The following PAWR variants were observed in gnomAD, a reference collection of about 807,000 sequenced individuals.
PAWR encodes the protein PRKC apoptosis WT1 regulator protein.
PAWR carries 23 observed loss-of-function variants against 32.0 expected under a neutral mutation model. That is an observed-to-expected ratio of 0.72 (90% CI 0.52 to 1.02). The LOEUF (loss-of-function observed/expected upper bound fraction) is 1.02. Ranked by LOEUF, PAWR falls within the 50% of genes least tolerant of loss-of-function variation. The pLI is 0.00. For missense variants in PAWR, 457 were observed against 437.7 expected (o/e 1.04, Z -0.39); for synonymous variants, 226 against 187.1 (o/e 1.21, Z -1.70).
intron 2 of PAWR, among the ~76,000 whole-genome samples, chr12:79,648,011 C>G (rs919546226): frequency 2.0e-5 from 3 of 152,158 alleles, no homozygotes; most frequent in Non-Finnish European, 4.4e-5. Context: ...AAGGTTCACA[C>G]TCCTTTGAGA....
intron 2 of PAWR, among the ~76,000 whole-genome samples, chr12:79,636,983 G>T (rs1011385383): frequency 6.6e-6 from 1 of 151,978 alleles, no homozygotes; most frequent in African/African-American, 2.4e-5. Context: ...TTTAAATTAC[G>T]AATCAGAATG....
At chr12:79,645,517 CA>C (rs1876533102) in intron 2 of PAWR, among the ~76,000 whole-genome samples, 1 of 152,146 alleles carries the variant, frequency 6.6e-6, no homozygotes, top group Admixed American at 6.5e-5. Context: ...ACTCTATTTA[CA>C]AATATCTGAG....
At chr12:79,613,934 TATATATATATATATATATATATA>T (rs1874559232) in intron 3 of PAWR, among the ~76,000 whole-genome samples, 5 of 3,976 alleles carry the variant, frequency 1.3e-3, no homozygotes, top group East Asian at 0.016. Flanking sequence ...ACCACCATTA[TATATATATATATATATATATATA>T]TATATATATA....
chr12:79,626,203 A>AT (rs1875307664), intron 2 of PAWR, among the ~76,000 whole-genome samples: 2 of 150,752 alleles, frequency 1.3e-5, no homozygotes, highest in African/African-American at 4.9e-5. Flanking sequence ...TATATATATA[A>AT]AATGAAGAAT....
rs1873957778 is a variant in PAWR at position 79,601,425 on chromosome 12, G to C, written c.684-4767C>G. Among the ~76,000 whole-genome samples, 2 of 151,974 alleles carry C rather than the reference G, an allele frequency of 1.3e-5. 1 individual carries two copies. The highest frequency in any genetic ancestry group is 4.2e-4 in the South Asian group (2 of 4,814). On this transcript the variant is annotated intron_variant, in intron 4 of 6. Coordinates refer to ENST00000328827, the MANE Select transcript of PAWR (RefSeq NM_002583.4). Reference sequence around the variant, plus strand: ...TTGCTATGTTGCCCAGGCCGGTCCTGAAGTCCTGGCCTCAAGCGATCTTCC... The same window carrying C: ...TTGCTATGTTGCCCAGGCCGGTCCTCAAGTCCTGGCCTCAAGCGATCTTCC...
intron 4 of PAWR, among the ~76,000 whole-genome samples, chr12:79,605,391 G>C (rs539376722): frequency 1.3e-5 from 2 of 152,146 alleles, no homozygotes; most frequent in Admixed American, 6.5e-5. Context: ...ATATACAGTA[G>C]AAACAGCTAA....
intron 2 of PAWR, among the ~76,000 whole-genome samples, chr12:79,624,519 C>T (rs946610274): frequency 3.9e-5 from 6 of 152,112 alleles, no homozygotes; most frequent in African/African-American, 7.2e-5. Flanking sequence ...ACATAGTATC[C>T]CTGTGGATAC....
In PAWR at chr12:79,685,807, T is replaced by C. The variant is rs1046592307; in HGVS notation, c.516+3922A>G. ...TAAGATAATCTTTAATAAAAAGTTA[T>C]GTAAAAATCTAGGGAAATATGCTGA... On this transcript the variant is annotated intron_variant, in intron 2 of 6. Transcript: ENST00000328827. 2.6e-5 allele frequency among the ~76,000 whole-genome samples: 4 copies of C among 152,204 alleles called. No homozygotes were observed. The East Asian group carries it at 7.7e-4, about 29-fold the overall frequency.
intron 2 of PAWR, among the ~76,000 whole-genome samples, chr12:79,623,274 T>C (rs1022685115): frequency 6.6e-6 from 1 of 152,164 alleles, no homozygotes; most frequent in Non-Finnish European, 1.5e-5. Context: ...TTTCAAAAAC[T>C]TTCTCAAATC....
rs1878875288 is a variant in PAWR at position 79,689,705 on chromosome 12, G to C, written c.516+24C>G. On this transcript the variant is annotated intron_variant, in intron 2 of 6. Coordinates refer to ENST00000328827, the MANE Select transcript of PAWR (RefSeq NM_002583.4). The stretch of plus-strand genomic sequence containing the variant: ...GCAGCTGCCCGCCCCGGCCCGGTCC[G>C]GCTGCGGCCCCCGCCCGGCTCACCT... 3 of 1,533,728 alleles carry C rather than the reference G, an allele frequency of 2.0e-6. No individual in the cohort carries two copies. The South Asian group carries it at 3.6e-5, about 18-fold the overall frequency.
chr12:79,632,342 TA>T (rs1875723000), intron 2 of PAWR, among the ~76,000 whole-genome samples: 10 of 60,746 alleles, frequency 1.6e-4, no homozygotes, highest in South Asian at 5.3e-4. Context: ...TATATATATA[TA>T]TATATATATA....
intron 3 of PAWR, 119 bp downstream of exon 3, chr12:79,620,957 G>A: frequency 1.4e-6 from 1 of 711,712 alleles, no homozygotes; most frequent in Non-Finnish European, 2.3e-6. Flanking sequence ...TGGTAAGGAA[G>A]GCATAAGTAG....
chr12:79,604,729 TACAA>T, intron 4 of PAWR: 1 of 1,279,794 alleles, frequency 7.8e-7, no homozygotes, highest in Non-Finnish European at 1.0e-6. Context: ...TTCCTTTAAA[TACAA>T]ACATACACAT....
At chr12:79,639,881 T>TTCCATTCCATTCCATTCCATTCC (rs1876215099) in intron 2 of PAWR, among the ~76,000 whole-genome samples, 13 of 112,500 alleles carry the variant, frequency 1.2e-4, no homozygotes, top group East Asian at 6.1e-4. Flanking sequence ...TTCCTATTCC[T>TTCCATTCCATTCCATTCCATTCC]ATTCCATTCC....
At chr12:79,683,064 C>G (rs1183602627) in intron 2 of PAWR, among the ~76,000 whole-genome samples, 3 of 152,144 alleles carry the variant, frequency 2.0e-5, no homozygotes, top group Admixed American at 1.3e-4. Context: ...TTTCTGTAGT[C>G]TAGACTTGTC....
intron 5 of PAWR, among the ~76,000 whole-genome samples, chr12:79,595,838 G>A (rs1873730247): frequency 6.6e-6 from 1 of 152,124 alleles, no homozygotes; most frequent in South Asian, 2.1e-4. Context: ...GGCAACAAGA[G>A]CGAAACTCTG....
intron 2 of PAWR, chr12:79,668,277 T>G (rs972430565): frequency 2.0e-5 from 3 of 152,258 alleles, no homozygotes; most frequent in Non-Finnish European, 4.4e-5. Flanking sequence ...TCATTTACCC[T>G]TACGCCTAAG....
chr12:79,670,230 G>A (rs1051040687), intron 2 of PAWR, among the ~76,000 whole-genome samples: 2 of 152,100 alleles, frequency 1.3e-5, no homozygotes, highest in Non-Finnish European at 2.9e-5. Flanking sequence ...GCAACTAATT[G>A]GCAGTACATA....
chr12:79,674,712 C>CA lies in PAWR; in HGVS notation c.516+15016dup, dbSNP rs375569530. On this transcript the variant is annotated intron_variant, in intron 2 of 6. Coordinates refer to ENST00000328827, the MANE Select transcript of PAWR (RefSeq NM_002583.4). ...AGGGACCTTAAGCAAATCAATAAGC[C>CA]AAAAAAAAAATGACCGCATTAAAAA... is the stretch of plus-strand genomic sequence containing the variant. Among the ~76,000 whole-genome samples the CA allele has an allele frequency of 9.5e-4, 137 of 144,114 alleles. 2 individuals carry two copies. The South Asian group carries it at 0.012, about 13-fold the overall frequency. The allele number at this position is 144,114 out of a possible 152,430, so 94.5% of individuals were successfully genotyped here.
Sources: allele counts gnomAD v4.1 joint callset (sites outside exome capture counted in the v4.1 genomes callset), GRCh38; gene constraint gnomAD v4.1.1; transcripts MANE v1.5; gene names NCBI Gene and HGNC (gene_info 2026-07-23, HGNC 2026-07-21).